The following CDK2AP1 variants were observed in gnomAD, a reference collection of about 807,000 sequenced individuals.
The protein encoded by CDK2AP1 is cyclin-dependent kinase 2-associated protein 1.
CDK2AP1 carries 10 observed loss-of-function variants against 14.1 expected under a neutral mutation model. The observed-to-expected ratio is 0.71, with a 90% CI of 0.44 to 1.20. The LOEUF is 1.20. Among genes scored for constraint, CDK2AP1 ranks in the 50% most tolerant of loss-of-function variants. CDK2AP1 has a pLI of 0.00. For missense variants in CDK2AP1, 102 were observed against 149.9 expected, an observed-to-expected ratio of 0.68 and a Z score of 1.67; for synonymous variants, 59 against 59.8, an observed-to-expected ratio of 0.99 and a Z score of 0.06.
chr12:123,266,946 T>A (rs1197847467), intron 2 of CDK2AP1, among the ~76,000 whole-genome samples: 1 of 152,190 alleles, frequency 6.6e-6, no homozygotes, highest in Non-Finnish European at 1.5e-5. Flanking sequence ...CAGCTTGGGC[T>A]GCTGCCCCTT....
intron 3 of CDK2AP1, among the ~76,000 whole-genome samples, chr12:123,264,462 CAAAAAAAA>C (rs1167157405): frequency 0.62 from 43,769 of 70,074 alleles, 14,109 homozygotes; most frequent in South Asian, 0.73. Flanking sequence ...CTCCGTCTCC[CAAAAAAAA>C]AAAAAAAAAA....
At chr12:123,262,905 AT>A (rs531063045) in intron 3 of CDK2AP1, among the ~76,000 whole-genome samples, 26 of 146,854 alleles carry the variant, frequency 1.8e-4, no homozygotes, top group Admixed American at 1.1e-3. Context: ...TCCCAAAATC[AT>A]TTTTTTTTTC....
In CDK2AP1 at chr12:123,271,619, C is replaced by A; in HGVS notation, c.-1G>T. On this transcript the variant is annotated 5_prime_UTR_variant, in exon 1 of 4. Coordinates refer to ENST00000261692, the MANE Select transcript of CDK2AP1 (RefSeq NM_004642.4). ...CGGCCAAGTTCGGTTTGTAAGACAT[C>A]CCCCCGGGCGGCGGGCGCGCCGGGC... is the stretch of plus-strand genomic sequence containing the variant. 2 of 993,204 alleles carry A rather than the reference C, an allele frequency of 2.0e-6. No homozygotes were observed. The highest frequency in any genetic ancestry group is 2.4e-6 in the Non-Finnish European group (2 of 835,704). 61.5% of individuals were successfully genotyped at this position (993,204 alleles called of 1,614,324 possible).
chr12:123,262,715 A>G (rs564479808), intron 3 of CDK2AP1, among the ~76,000 whole-genome samples: 1 of 152,260 alleles, frequency 6.6e-6, no homozygotes, highest in East Asian at 1.9e-4. Context: ...AGCTGGGACT[A>G]TAGGCACGCA....
At chr12:123,267,661 C>T (rs969779001) in intron 1 of CDK2AP1, 6 of 224,924 alleles carry the variant, frequency 2.7e-5, no homozygotes, top group South Asian at 6.2e-5. Context: ...CACACCACAG[C>T]GCCACATAGG....
intron 1 of CDK2AP1, 85 bp downstream of exon 1, chr12:123,271,479 C>T: frequency 1.4e-6 from 1 of 726,964 alleles, no homozygotes; most frequent in Non-Finnish European, 1.7e-6. Flanking sequence ...CCTCCGCGGG[C>T]GCCCCGGGCA....
chr12:123,266,743 G>A (rs1167802668), intron 2 of CDK2AP1, among the ~76,000 whole-genome samples: 4 of 152,194 alleles, frequency 2.6e-5, no homozygotes, highest in East Asian at 3.8e-4. Flanking sequence ...ACTGGCCCTC[G>A]ACAAAAGGCA....
In CDK2AP1 at chr12:123,267,204, G is replaced by A. The variant is rs1271472566; in HGVS notation, c.134C>T (p.Pro45Leu). Reference sequence around the variant, plus strand: ...ACATACCTGGGTGTAGCCTAGGGACGGTGGCCCGTAGTCACTGAGCAGCTG... The same window carrying A: ...ACATACCTGGGTGTAGCCTAGGGACAGTGGCCCGTAGTCACTGAGCAGCTG... ...YRQLLSDYGP[P>L]SLGYTQGTGN... Residue 45 changes from proline (P) to leucine (L), a missense_variant, in exon 2 of 4, where the codon CCG (proline) becomes CTG (leucine). Coordinates refer to ENST00000261692, the MANE Select transcript of CDK2AP1 (RefSeq NM_004642.4). 3.7e-6 allele frequency: 6 copies of A among 1,609,562 alleles called. No homozygotes were observed. The highest frequency in any genetic ancestry group is 1.1e-5 in the South Asian group (1 of 90,974).
chr12:123,271,767 G>GCCGCGCCGGCAAATATGGCCGT lies in CDK2AP1; in HGVS notation c.-171_-150dup, dbSNP rs1365434850. 1 of 158,252 alleles carries GCCGCGCCGGCAAATATGGCCGT rather than the reference G, an allele frequency of 6.3e-6. No homozygotes were observed. The highest frequency in any genetic ancestry group is 2.4e-5 in the African/African-American group (1 of 41,056). The allele number at this position is 158,252 out of a possible 1,614,324, so 9.8% of individuals were successfully genotyped here. ...GCACTTTTTGTTGTCGGCGGCTCGG[G>GCCGCGCCGGCAAATATGGCCGT]CCGCGCCGGCAAATATGGCCGTCCG... On this transcript the variant is annotated 5_prime_UTR_variant, in exon 1 of 4. Coordinates refer to ENST00000261692, the MANE Select transcript of CDK2AP1 (RefSeq NM_004642.4).
At chr12:123,262,781 G>T (rs1008771744) in intron 3 of CDK2AP1, among the ~76,000 whole-genome samples, 1 of 152,140 alleles carries the variant, frequency 6.6e-6, no homozygotes, top group South Asian at 2.1e-4. Context: ...TCACTATGTT[G>T]CTCCTGGCTT....
At chr12:123,263,986 T>TA (rs1047287218) in intron 3 of CDK2AP1, among the ~76,000 whole-genome samples, 1 of 152,064 alleles carries the variant, frequency 6.6e-6, no homozygotes, top group Non-Finnish European at 1.5e-5. Context: ...CGCACGCCTG[T>TA]AGTCCCAACT....
chr12:123,267,083 C>G, intron 2 of CDK2AP1, 102 bp downstream of exon 2: 2 of 787,682 alleles, frequency 2.5e-6, no homozygotes, highest in Non-Finnish European at 4.5e-6. Flanking sequence ...TCCGTCCCAT[C>G]CTTTCTGCTC....
rs984269048 is a variant in CDK2AP1, at chr12:123,265,728, G to A, written c.154-406C>T. 1.3e-5 allele frequency among the ~76,000 whole-genome samples: 2 copies of A among 152,138 alleles called. No homozygotes were observed. Among genetic ancestry groups the A allele is most frequent in the African/African-American group, 2.4e-5 (1 of 41,436 alleles). On this transcript the variant is annotated intron_variant, in intron 2 of 3. Transcript: ENST00000261692. The surrounding 1 kb of genome is among the most constrained non-coding windows in gnomAD (Gnocchi z 5.3). ...ACACACTCAGGGAGGCCACCCAGTCGTCTCCAGGAAGCAACTTTATTATCT... is the reference window on the plus strand; with the variant it reads ...ACACACTCAGGGAGGCCACCCAGTCATCTCCAGGAAGCAACTTTATTATCT...
At chr12:123,271,308 G>C (rs1173808798) in intron 1 of CDK2AP1, among the ~76,000 whole-genome samples, 1 of 146,668 alleles carries the variant, frequency 6.8e-6, no homozygotes, top group Non-Finnish European at 1.5e-5. Flanking sequence ...CCTGCGATCC[G>C]CAGCCGCCGG....
In CDK2AP1 at chr12:123,261,034, GTAA is replaced by G. The variant is rs1472675975; in HGVS notation, c.*699_*701del. On this transcript the variant is annotated 3_prime_UTR_variant, in exon 4 of 4. Coordinates refer to ENST00000261692, the MANE Select transcript of CDK2AP1 (RefSeq NM_004642.4). Reference sequence around the variant, plus strand: ...ATGAAAATAAGCTTTATTACATCAAGTAATAAATACATACAAAGATGCAAACAG... The same window carrying G: ...ATGAAAATAAGCTTTATTACATCAAGTAAATACATACAAAGATGCAAACAG... The G allele has an allele frequency of 6.6e-6, 1 of 152,410 alleles. No homozygotes were observed. The highest frequency in any genetic ancestry group is 2.4e-5 in the African/African-American group (1 of 41,420). 9.4% of individuals were successfully genotyped at this position (152,410 alleles called of 1,614,324 possible).
chr12:123,271,655 CAGGCCGCGAGGGCGGCGGCGGCGGCGGCG>C lies in CDK2AP1; in HGVS notation c.-66_-38del. On this transcript the variant is annotated 5_prime_UTR_variant, in exon 1 of 4. Transcript: ENST00000261692. ...GCGGGCGCGCCGGGCGCGGCGGGGC[CAGGCCGCGAGGGCGGCGGCGGCGGCGGCG>C]AGGCCGGGCGGTAGCGCTGCAGCCC... The C allele has an allele frequency of 1.1e-6, 1 of 927,644 alleles. No individual in the cohort carries two copies. The highest frequency in any genetic ancestry group is 1.3e-6 in the Non-Finnish European group (1 of 779,920). 57.5% of individuals were successfully genotyped at this position (927,644 alleles called of 1,614,324 possible).
At chr12:123,267,434 T>C (rs1436251375) in intron 1 of CDK2AP1, 152 bp from the exon 2 acceptor site, 4 of 609,326 alleles carry the variant, frequency 6.6e-6, no homozygotes, top group Admixed American at 2.6e-5. Flanking sequence ...TTGACCAGCA[T>C]ATAAGATGGA....
At position 123,261,543 on chromosome 12, in the gene CDK2AP1, A is replaced by T; in HGVS notation, c.*193T>A. ...AAACCTGGGCAGTTCCTAACTACTT[A>T]AAATGCAAATCCTAATTAACTGCAA... On this transcript the variant is annotated 3_prime_UTR_variant, in exon 4 of 4. Coordinates refer to ENST00000261692, the MANE Select transcript of CDK2AP1 (RefSeq NM_004642.4). 1 of 531,998 alleles carries T rather than the reference A, an allele frequency of 1.9e-6. No individual in the cohort carries two copies. The highest frequency in any genetic ancestry group is 3.1e-5 in the East Asian group (1 of 31,992). The allele number at this position is 531,998 out of a possible 1,614,324, so 33.0% of individuals were successfully genotyped here. A position where few individuals can be genotyped will look rare whatever the true frequency, so the allele number is the denominator to read the frequency against.
In CDK2AP1 at chr12:123,265,138, T is replaced by C. The variant is rs1429397355; in HGVS notation, c.280+58A>G. The C allele has an allele frequency of 5.6e-6, 9 of 1,604,498 alleles. No individual in the cohort carries two copies. The Admixed American group carries it at 1.5e-4, about 27-fold the overall frequency. On this transcript the variant is annotated intron_variant, in intron 3 of 3. Coordinates refer to ENST00000261692, the MANE Select transcript of CDK2AP1 (RefSeq NM_004642.4). The surrounding 1 kb of genome is among the most constrained non-coding windows in gnomAD (Gnocchi z 5.3). ...CTTCCCACATTTTCCCCAAAAGTCT[T>C]TCCAGAGTTAAAGGTCTAGCACTGT... is the stretch of plus-strand genomic sequence containing the variant.
Sources: allele counts gnomAD v4.1 joint callset (sites outside exome capture counted in the v4.1 genomes callset), GRCh38; gene constraint gnomAD v4.1.1; non-coding constraint Gnocchi (gnomAD v3.1); transcripts MANE v1.5; gene names NCBI Gene and HGNC (gene_info 2026-07-23, HGNC 2026-07-21).